Variants in LCP2 observed in about 807,000 individuals in gnomAD.
LCP2 encodes the protein 76 kDa tyrosine phosphoprotein.
A neutral mutation model predicts 74.5 loss-of-function variants in LCP2; 29 were observed. The observed-to-expected ratio is 0.39, with a 90% CI of 0.29 to 0.53. The LOEUF (loss-of-function observed/expected upper bound fraction) is 0.53. Ranked by LOEUF, LCP2 falls within the 20% of genes least tolerant of loss-of-function variation. The pLI is 0.72. For synonymous variants in LCP2, 228 were observed against 229.5 expected (o/e 0.99, Z 0.06); for missense variants, 604 against 634.6 (o/e 0.95, Z 0.52).
chr5:170,251,470 A>C, intron 19 of LCP2: 1 of 261,138 alleles, frequency 3.8e-6, no homozygotes, highest in South Asian at 3.9e-5. Flanking sequence ...TGTACTTTAA[A>C]TTTCCATTCA....
intron 16 of LCP2, 33 bp downstream of exon 16, chr5:170,258,004 A>G (rs762635220): frequency 7.8e-5 from 125 of 1,609,168 alleles, no homozygotes; most frequent in Non-Finnish European, 1.0e-4. Context: ...TAAACATTAT[A>G]TTAAGCTAGA....
rs552636508 is a variant in LCP2, at chr5:170,281,652, G to A, written c.189-5792C>T. On this transcript the variant is annotated intron_variant, in intron 3 of 20. Transcript: ENST00000046794. ...ACCTTTCCTGTCTTCTCTGTCTCAG[G>A]TAGAGAAATAGGTACAAAGGAGATG... is the stretch of plus-strand genomic sequence containing the variant. Among the ~76,000 whole-genome samples, 4 of 152,258 alleles carry A rather than the reference G, an allele frequency of 2.6e-5. No homozygotes were observed. In the South Asian group the frequency reaches 8.3e-4, roughly 32 times the overall value.
chr5:170,260,815 CTT>C (rs1471956061), intron 14 of LCP2, among the ~76,000 whole-genome samples: 1 of 152,216 alleles, frequency 6.6e-6, no homozygotes, highest in African/African-American at 2.4e-5. Context: ...ACTTTATCCT[CTT>C]TTTCTCCTTG....
Position 170,261,124 on chromosome 5 carries a change from G to GT in LCP2, c.939dup (p.Pro314ThrfsTer7). On this transcript the variant is annotated frameshift_variant, in exon 14 of 21. Coordinates refer to ENST00000046794, the MANE Select transcript of LCP2 (RefSeq NM_005565.5). LOFTEE classifies it high-confidence loss of function. ...GTACTTACATTCTCTCTTCTGTCTG[G>GT]TCCCCATCCATGCCTGAAATGAATT... The GT allele has an allele frequency of 6.2e-7, 1 of 1,605,076 alleles. No individual in the cohort carries two copies. Among genetic ancestry groups the GT allele is most frequent in the Non-Finnish European group, 8.5e-7 (1 of 1,172,110 alleles).
rs1242642315 is a variant in LCP2 at position 170,293,335 on chromosome 5, T to C, written c.116A>G (p.Tyr39Cys). ...YKDCEKAVKKYHIDGARFLNL... is the reference protein window; with the variant it reads ...YKDCEKAVKKCHIDGARFLNL... ...CAAGAAGCGAGCCCCATCGATGTGG[T>C]ACTTCTTCACTGCCTTCTCACAGTC... Residue 39 changes from tyrosine (Y) to cysteine (C), a missense_variant, in exon 2 of 21, where the codon TAC becomes TGC. Transcript: ENST00000046794. 1.2e-6 allele frequency: 2 copies of C among 1,607,342 alleles called. No homozygotes were observed. The highest frequency in any genetic ancestry group is 2.2e-5 in the East Asian group (1 of 44,694).
chr5:170,255,977 G>C (rs1201451572), intron 17 of LCP2, among the ~76,000 whole-genome samples: 1 of 152,204 alleles, frequency 6.6e-6, no homozygotes, highest in East Asian at 1.9e-4. Flanking sequence ...CTCTTAGTTT[G>C]TATTTTGAAC....
At chr5:170,266,030 A>T (rs563158645) in intron 10 of LCP2, among the ~76,000 whole-genome samples, 27 of 152,348 alleles carry the variant, frequency 1.8e-4, no homozygotes, top group Non-Finnish European at 3.1e-4. Context: ...TCATCTGAGA[A>T]GTGAGGTTAA....
At chr5:170,289,160 C>A (rs1327121395) in intron 2 of LCP2, among the ~76,000 whole-genome samples, 1 of 152,164 alleles carries the variant, frequency 6.6e-6, no homozygotes, top group Non-Finnish European at 1.5e-5. Flanking sequence ...AATAATGATA[C>A]CCACCTATCA....
chr5:170,248,607 G>C lies in LCP2; in HGVS notation c.*90C>G. The C allele has an allele frequency of 7.0e-7, 1 of 1,422,252 alleles. No homozygotes were observed. Among genetic ancestry groups the C allele is most frequent in the East Asian group, 2.3e-5 (1 of 42,960 alleles). 88.1% of individuals were successfully genotyped at this position (1,422,252 alleles called of 1,614,324 possible). A position where few individuals can be genotyped will look rare whatever the true frequency, so the allele number is the denominator to read the frequency against. On this transcript the variant is annotated 3_prime_UTR_variant, in exon 21 of 21. Transcript: ENST00000046794. The stretch of plus-strand genomic sequence containing the variant: ...TGTTCATGGGGAGGGGTTCAGTTCA[G>C]TCCTAAGTGTTTGTCCATTGACCAA...
chr5:170,285,996 G>A lies in LCP2; in HGVS notation c.188+1974C>T, dbSNP rs932660066. On this transcript the variant is annotated intron_variant, in intron 3 of 20. Transcript: ENST00000046794. ...GCAGCAAGCAACCATAGGCTTCACC[G>A]CCTTTGTTTTCCATCCCTCGGTGTC... Among the ~76,000 whole-genome samples the A allele has an allele frequency of 5.9e-5, 9 of 152,148 alleles. No homozygotes were observed. The South Asian group carries it at 1.2e-3, about 21-fold the overall frequency.
chr5:170,257,810 G>A (rs1465813172), intron 16 of LCP2, among the ~76,000 whole-genome samples: 1 of 152,090 alleles, frequency 6.6e-6, no homozygotes, highest in Non-Finnish European at 1.5e-5. Context: ...GATCAAGGAG[G>A]AAGTCAATTC....
chr5:170,261,193 A>G, intron 13 of LCP2, 56 bp from the exon 14 acceptor site: 1 of 1,331,862 alleles, frequency 7.5e-7, no homozygotes, highest in Non-Finnish European at 1.1e-6. Flanking sequence ...TCAAAGAGCC[A>G]GCCTTAGAAT....
At chr5:170,258,614 A>G (rs1278621847) in intron 15 of LCP2, 2 of 423,460 alleles carry the variant, frequency 4.7e-6, no homozygotes, top group Admixed American at 3.9e-5. Flanking sequence ...CATGCATGCA[A>G]TTTTACATTT....
chr5:170,267,262 C>T (rs567716541), intron 8 of LCP2, 187 bp from the exon 9 acceptor site: 26 of 616,098 alleles, frequency 4.2e-5, no homozygotes, highest in Non-Finnish European at 6.6e-5. Context: ...GACTCTGCCA[C>T]GCAAGCTCTT....
intron 3 of LCP2, among the ~76,000 whole-genome samples, chr5:170,285,971 G>A (rs1762176643): frequency 6.6e-6 from 1 of 152,180 alleles, no homozygotes. Flanking sequence ...GATTCTCAAA[G>A]CAGCAAGCAA....
Position 170,268,440 on chromosome 5 carries a change from G to A in LCP2, c.566C>T (p.Pro189Leu). The change falls in exon 8 of 21, where the codon CCC becomes CTC. Residue 189 changes from proline to leucine, a missense_variant. Physicochemically the swap from Pro to Leu is moderately conservative, Grantham distance 98. Transcript: ENST00000046794. ...SGKTPQQPPV[P>L]PQRPMAALPP... ...GAGGGCGGCCATCGGTCTCTGGGGG[G>A]GCACAGGAGGCTGCTGGGGGGTTTT... 2.4e-6 allele frequency: 1 copy of A among 416,758 alleles called. No individual in the cohort carries two copies. Among genetic ancestry groups the A allele is most frequent in the Non-Finnish European group, 3.6e-6 (1 of 279,014 alleles). The allele number at this position is 416,758 out of a possible 1,614,324, so 25.8% of individuals were successfully genotyped here. A position where few individuals can be genotyped will look rare whatever the true frequency, so the allele number is the denominator to read the frequency against.
intron 15 of LCP2, chr5:170,258,398 T>C (rs2113160176): frequency 1.2e-5 from 5 of 424,162 alleles, no homozygotes; most frequent in Non-Finnish European, 2.1e-5. Flanking sequence ...GATGATACTC[T>C]AAAATACACA....
At chr5:170,269,515 G>C (rs915070408) in intron 7 of LCP2, among the ~76,000 whole-genome samples, 3 of 152,240 alleles carry the variant, frequency 2.0e-5, no homozygotes, top group African/African-American at 7.2e-5. Context: ...TTGAGCCTCA[G>C]GGCCTTTGCA....
chr5:170,262,936 A>C, intron 11 of LCP2, 31 bp downstream of exon 11: 2 of 1,614,082 alleles, frequency 1.2e-6, no homozygotes, highest in African/African-American at 1.3e-5. Flanking sequence ...GAAACAAACA[A>C]ACACAACCAA....
Sources: allele counts gnomAD v4.1 joint callset (sites outside exome capture counted in the v4.1 genomes callset), GRCh38; gene constraint gnomAD v4.1.1; transcripts MANE v1.5; gene names NCBI Gene and HGNC (gene_info 2026-07-23, HGNC 2026-07-21).